CACNA1A: variants seen among roughly 807,000 people sequenced by gnomAD.
The protein encoded by CACNA1A is calcium voltage-gated channel subunit alpha1 A, also known as voltage-dependent P/Q-type calcium channel subunit alpha-1A.
A neutral mutation model predicts 262.4 loss-of-function variants in CACNA1A; 57 were observed. The observed-to-expected ratio is 0.22, with a 90% confidence interval of 0.18 to 0.27. CACNA1A has a LOEUF of 0.27. Ranked by LOEUF, CACNA1A falls within the 10% of genes least tolerant of loss-of-function variation. The pLI is 1.00. For missense variants in CACNA1A, 2,526 were observed against 3,562.8 expected, an observed-to-expected ratio of 0.71 and a Z score of 7.41; for synonymous variants, 1,431 against 1,419.3, an observed-to-expected ratio of 1.01 and a Z score of -0.18.
At chr19:13,228,366 T>C (rs886787223) in intron 36 of CACNA1A, among the ~76,000 whole-genome samples, 6 of 151,430 alleles carry the variant, frequency 4.0e-5, no homozygotes, top group Non-Finnish European at 2.9e-5. Flanking sequence ...GAGGTGATGG[T>C]TGGGGGAGAA....
intron 22 of CACNA1A, among the ~76,000 whole-genome samples, chr19:13,280,662 C>A (rs940807658): frequency 6.6e-6 from 1 of 151,358 alleles, no homozygotes; most frequent in Non-Finnish European, 1.5e-5. Flanking sequence ...GCTCATTGAC[C>A]GGGCGTGGTG....
intron 3 of CACNA1A, among the ~76,000 whole-genome samples, chr19:13,403,687 G>A (rs900793065): frequency 8.5e-5 from 13 of 152,132 alleles, no homozygotes; most frequent in African/African-American, 2.9e-4. Context: ...TGTAATCCCA[G>A]CATGTTGGAA....
At chr19:13,384,565 T>C (rs1599337910) in intron 3 of CACNA1A, among the ~76,000 whole-genome samples, 1 of 152,190 alleles carries the variant, frequency 6.6e-6, no homozygotes, top group East Asian at 1.9e-4. Flanking sequence ...CCAGCCGTGG[T>C]GGCGGGAGCC....
At chr19:13,339,920 G>T (rs960477420) in intron 6 of CACNA1A, among the ~76,000 whole-genome samples, 2 of 152,144 alleles carry the variant, frequency 1.3e-5, no homozygotes, top group African/African-American at 4.8e-5. Context: ...TTTGCTTCTG[G>T]AAGGTTCTGG....
chr19:13,357,288 A>G lies in CACNA1A; in HGVS notation c.978+2318T>C, dbSNP rs550741668. On this transcript the variant is annotated intron_variant, in intron 6 of 46. Transcript: ENST00000360228. ...GCAGCAGGATGTAAATAACTCCCAC[A>G]GGATTAGCATTCCAATAATGGAACA... 5.3e-5 allele frequency among the ~76,000 whole-genome samples: 8 copies of G among 152,336 alleles called. No individual in the cohort carries two copies. In the East Asian group the frequency reaches 1.5e-3, roughly 29 times the overall value.
At position 13,214,772 on chromosome 19, in the gene CACNA1A, T is replaced by C. The variant is rs2054937435; in HGVS notation, c.5732-164A>G. On this transcript the variant is annotated intron_variant, in intron 38 of 46. Transcript: ENST00000360228. This position sits in a 1 kb window ranked among gnomAD's most constrained non-coding sequence, Gnocchi z 4.1. ...CTGGCCCAGAGGAGGCCCTGGGCAG[T>C]GCTGCTGGAATGACCTTGTGGGCTC... is the stretch of plus-strand genomic sequence containing the variant. 1 of 621,804 alleles carries C rather than the reference T, an allele frequency of 1.6e-6. No homozygotes were observed. The highest frequency in any genetic ancestry group is 2.9e-6 in the Non-Finnish European group (1 of 350,318). The allele number at this position is 621,804 out of a possible 1,614,324, so 38.5% of individuals were successfully genotyped here.
At chr19:13,268,189 C>G (rs1480318847) in intron 24 of CACNA1A, among the ~76,000 whole-genome samples, 2 of 152,142 alleles carry the variant, frequency 1.3e-5, no homozygotes, top group African/African-American at 4.8e-5. Context: ...AGAGTTCTGA[C>G]TTGGGATGGA....
At chr19:13,261,808 A>G (rs1845807838) in intron 25 of CACNA1A, 198 bp from the exon 26 acceptor site, 1 of 564,664 alleles carries the variant, frequency 1.8e-6, no homozygotes, top group Non-Finnish European at 3.2e-6. Flanking sequence ...CTGGCATTCT[A>G]TGGATCTAAA....
At chr19:13,490,891 AAGG>A (rs1330336613) in intron 1 of CACNA1A, among the ~76,000 whole-genome samples, 1 of 136,776 alleles carries the variant, frequency 7.3e-6, no homozygotes, top group Non-Finnish European at 1.6e-5. Context: ...GAAGGAAGGA[AAGG>A]AGTAAGGAAG....
chr19:13,279,507 A>AT (rs2057233762), intron 22 of CACNA1A, among the ~76,000 whole-genome samples: 1 of 151,944 alleles, frequency 6.6e-6, no homozygotes, highest in African/African-American at 2.4e-5. Context: ...TTTTTTTGAG[A>AT]TGGTGTCTCA....
intron 1 of CACNA1A, among the ~76,000 whole-genome samples, chr19:13,456,411 G>A (rs866543283): frequency 2.0e-5 from 3 of 152,114 alleles, no homozygotes; most frequent in Non-Finnish European, 4.4e-5. Flanking sequence ...GGTGGCTCAC[G>A]CCTGTAATCC....
intron 30 of CACNA1A, among the ~76,000 whole-genome samples, chr19:13,247,030 C>T (rs1048508698): frequency 3.9e-5 from 6 of 152,238 alleles, no homozygotes; most frequent in African/African-American, 1.4e-4. Context: ...CAACCGGGTA[C>T]TGACATGGTG....
intron 3 of CACNA1A, among the ~76,000 whole-genome samples, chr19:13,391,394 G>A (rs1301426173): frequency 6.6e-6 from 1 of 152,146 alleles, no homozygotes; most frequent in Non-Finnish European, 1.5e-5. Flanking sequence ...TACATGGAGA[G>A]CAATTCTTCA....
intron 25 of CACNA1A, 134 bp from the exon 26 acceptor site, chr19:13,261,744 G>C: frequency 8.7e-6 from 7 of 807,542 alleles, no homozygotes; most frequent in Non-Finnish European, 1.4e-5. Context: ...CAAGTCACTA[G>C]GGTAAGGTCC....
At chr19:13,503,553 C>G (rs1462517243) in intron 1 of CACNA1A, among the ~76,000 whole-genome samples, 2 of 151,820 alleles carry the variant, frequency 1.3e-5, no homozygotes, top group Non-Finnish European at 2.9e-5. Flanking sequence ...ACGTGTCTTT[C>G]TCTTTACACT....
Position 13,210,637 on chromosome 19 carries a change from G to T in CACNA1A, c.6319C>A (p.Pro2107Thr). 6.4e-7 allele frequency: 1 copy of T among 1,565,144 alleles called. No homozygotes were observed. The highest frequency in any genetic ancestry group is 1.4e-5 in the African/African-American group (1 of 73,632). Reference protein sequence around the residue: ...PAENQRRRGRPRGNNLSTISD... With the variant: ...PAENQRRRGRTRGNNLSTISD... ...CATACACTGAGGTTATTCCCACGTG[G>T]CCGGCCCCTTCTCCTCTGTCACAGC... Residue 2107 changes from proline (P) to threonine (T), a missense_variant, in exon 44 of 47, where the codon CCA becomes ACA. By Grantham distance (38) the Pro-to-Thr change is conservative. This residue lies in a region of CACNA1A where 929 missense variants were observed against 868.1 expected (regional missense o/e 1.07). Coordinates refer to ENST00000360228, the MANE Select transcript of CACNA1A (RefSeq NM_001127222.2).
chr19:13,261,804 T>A, intron 25 of CACNA1A, 194 bp from the exon 26 acceptor site: 1 of 568,596 alleles, frequency 1.8e-6, no homozygotes, highest in Non-Finnish European at 3.1e-6. Flanking sequence ...AATCCTGGCA[T>A]TCTATGGATC....
At chr19:13,467,689 C>G (rs999182108) in intron 1 of CACNA1A, among the ~76,000 whole-genome samples, 2 of 151,458 alleles carry the variant, frequency 1.3e-5, no homozygotes, top group African/African-American at 4.9e-5. Flanking sequence ...ACTGCAGCCT[C>G]TGCCTCCTGG....
At chr19:13,454,674 G>T (rs2060974960) in intron 2 of CACNA1A, among the ~76,000 whole-genome samples, 1 of 152,124 alleles carries the variant, frequency 6.6e-6, no homozygotes, top group Admixed American at 6.6e-5. Context: ...GTCTGGCCAA[G>T]ACATAATTAT....
Sources: gnomAD v4.1 joint callset for allele counts (sites outside exome capture counted in the v4.1 genomes callset) on GRCh38, gnomAD v4.1.1 for gene constraint, gnomAD v4.1.1 regional missense constraint, Gnocchi (gnomAD v3.1) non-coding constraint, MANE v1.5 for transcripts, NCBI Gene and HGNC (gene_info 2026-07-23, HGNC 2026-07-21) for gene names.